Variants in PCDHA7 observed in about 807,000 individuals in gnomAD.
PCDHA7 encodes the protein protocadherin alpha 7.
PCDHA7 carries 37 observed loss-of-function variants against 57.2 expected under a neutral mutation model. That is an observed-to-expected ratio of 0.65 (90% confidence interval 0.50 to 0.85). The LOEUF is 0.85. Ranked by LOEUF, PCDHA7 falls within the 40% of genes least tolerant of loss-of-function variation. The pLI, the probability that PCDHA7 is intolerant of heterozygous loss-of-function variation, is 0.00. For synonymous variants in PCDHA7, 553 were observed against 558.8 expected, an observed-to-expected ratio of 0.99 and a Z score of 0.15; for missense variants, 1,188 against 1,241.8, an observed-to-expected ratio of 0.96 and a Z score of 0.65.
chr5:141,000,615 A>G (rs2097951954), intron 3 of PCDHA7, among the ~76,000 whole-genome samples: 1 of 150,870 alleles, frequency 6.6e-6, no homozygotes, highest in South Asian at 2.1e-4. Context: ...TTTAGTAGAG[A>G]CAGGGTTTCA....
chr5:140,891,040 C>A (rs2062916193), intron 1 of PCDHA7, among the ~76,000 whole-genome samples: 1 of 145,080 alleles, frequency 6.9e-6, no homozygotes, highest in Admixed American at 6.6e-5. Context: ...TTAGGTGTGA[C>A]CCCCACAGCA....
intron 3 of PCDHA7, among the ~76,000 whole-genome samples, chr5:141,009,288 C>G (rs373954362): frequency 6.6e-6 from 1 of 152,068 alleles, no homozygotes; most frequent in African/African-American, 2.4e-5. Flanking sequence ...GATCCCATTT[C>G]TATAAAATTT....
intron 1 of PCDHA7, among the ~76,000 whole-genome samples, chr5:140,938,135 A>T (rs926775458): frequency 1.3e-5 from 2 of 152,198 alleles, no homozygotes; most frequent in Non-Finnish European, 2.9e-5. Flanking sequence ...AAATAGAGAT[A>T]GAGTCTCACT....
At chr5:140,904,475 T>C (rs1034610314) in intron 1 of PCDHA7, among the ~76,000 whole-genome samples, 1 of 151,866 alleles carries the variant, frequency 6.6e-6, no homozygotes, top group Non-Finnish European at 1.5e-5. Context: ...TGGTGGCTAT[T>C]TGGTCTGATT....
At chr5:140,969,294 T>C in intron 1 of PCDHA7, 2 of 1,614,212 alleles carry the variant, frequency 1.2e-6, no homozygotes, top group Non-Finnish European at 1.7e-6. Context: ...GCTGGGAACC[T>C]GATTATTCTC....
chr5:140,986,638 G>A (rs185773882), intron 3 of PCDHA7, among the ~76,000 whole-genome samples: 18 of 152,282 alleles, frequency 1.2e-4, no homozygotes, highest in Non-Finnish European at 2.6e-4. Flanking sequence ...CAGTACATTA[G>A]TTTTAGAGTG....
intron 1 of PCDHA7, chr5:140,843,149 G>A: frequency 6.3e-7 from 1 of 1,596,096 alleles, no homozygotes; most frequent in Non-Finnish European, 8.6e-7. Context: ...GCTTTCGTAT[G>A]AGCTGCAGCC....
In PCDHA7 at chr5:140,857,043, A is replaced by T. The variant is rs201811819; in HGVS notation, c.2355+20305A>T. Reference sequence around the variant, plus strand: ...AAGGGAAACCCACCTATGGTTGGTCACTGCACGGTCCTAGTGGAACTACTG... The same window carrying T: ...AAGGGAAACCCACCTATGGTTGGTCTCTGCACGGTCCTAGTGGAACTACTG... On this transcript the variant is annotated intron_variant, in intron 1 of 3. Transcript: ENST00000525929. 81 of 1,595,818 alleles carry T rather than the reference A, an allele frequency of 5.1e-5. 4 individuals carry two copies. The highest frequency in any genetic ancestry group is 1.5e-5 in the Non-Finnish European group (18 of 1,165,582).
intron 1 of PCDHA7, chr5:140,883,099 A>C: frequency 6.2e-7 from 1 of 1,614,150 alleles, no homozygotes. Flanking sequence ...ATGGAGATAT[A>C]GTTTACTCAT....
chr5:140,919,982 G>A (rs2079388824), intron 1 of PCDHA7, among the ~76,000 whole-genome samples: 2 of 151,998 alleles, frequency 1.3e-5, no homozygotes, highest in Admixed American at 6.5e-5. Context: ...GATAGAAGAT[G>A]GAAAACAGAC....
chr5:140,840,846 C>A (rs1473721768), intron 1 of PCDHA7, among the ~76,000 whole-genome samples: 5 of 151,994 alleles, frequency 3.3e-5, no homozygotes, highest in Non-Finnish European at 5.9e-5. Flanking sequence ...TAATGCATTT[C>A]TTCCACACGA....
chr5:140,927,294 C>T (rs781944508), intron 1 of PCDHA7: 10 of 1,614,062 alleles, frequency 6.2e-6, no homozygotes, highest in South Asian at 3.3e-5. Context: ...TGCACATCCC[C>T]GAGTTCCTGA....
intron 1 of PCDHA7, among the ~76,000 whole-genome samples, chr5:140,946,570 C>G (rs1488950892): frequency 7.2e-6 from 1 of 138,492 alleles, no homozygotes; most frequent in Non-Finnish European, 1.5e-5. Context: ...ATAGAATCAA[C>G]TTAGGTGTTC....
intron 1 of PCDHA7, among the ~76,000 whole-genome samples, chr5:140,891,819 G>A (rs1282245838): frequency 6.6e-6 from 1 of 152,216 alleles, no homozygotes. Flanking sequence ...ATAAATTAAC[G>A]GCACTGTAAA....
rs368166956 is a variant in PCDHA7, at chr5:140,870,187, G to T, written c.2355+33449G>T. On this transcript the variant is annotated intron_variant, in intron 1 of 3. Coordinates refer to ENST00000525929, the MANE Select transcript of PCDHA7 (RefSeq NM_018910.3). Reference sequence around the variant, plus strand: ...CTTGTCCCTCCCAGTACGAGAGGACGCTCAGCCCAGCACGGTCATTGCCCT... The same window carrying T: ...CTTGTCCCTCCCAGTACGAGAGGACTCTCAGCCCAGCACGGTCATTGCCCT... 55 of 1,614,092 alleles carry T rather than the reference G, an allele frequency of 3.4e-5. No individual in the cohort carries two copies. The African/African-American group carries it at 6.5e-4, about 19-fold the overall frequency.
Position 140,851,840 on chromosome 5 carries a change from T to C in PCDHA7, c.2355+15102T>C. ...AGAAATCTGTTTTTTTAAAAATATCTTTTTCTCCTCTCAGCTCATACATAA... is the reference window on the plus strand; with the variant it reads ...AGAAATCTGTTTTTTTAAAAATATCCTTTTCTCCTCTCAGCTCATACATAA... On this transcript the variant is annotated intron_variant, in intron 1 of 3. Coordinates refer to ENST00000525929, the MANE Select transcript of PCDHA7 (RefSeq NM_018910.3). 3 of 970,528 alleles carry C rather than the reference T, an allele frequency of 3.1e-6. 1 individual carries two copies. The highest frequency in any genetic ancestry group is 3.7e-6 in the Non-Finnish European group (3 of 803,428). The allele number at this position is 970,528 out of a possible 1,614,324, so 60.1% of individuals were successfully genotyped here.
chr5:140,954,536 T>C (rs1438016822), intron 1 of PCDHA7, among the ~76,000 whole-genome samples: 3 of 152,248 alleles, frequency 2.0e-5, no homozygotes, highest in African/African-American at 7.2e-5. Flanking sequence ...GTTGAGGTTT[T>C]TTTCATATGT....
At chr5:140,874,401 A>G (rs2054889687) in intron 1 of PCDHA7, among the ~76,000 whole-genome samples, 1 of 152,218 alleles carries the variant, frequency 6.6e-6, no homozygotes, top group African/African-American at 2.4e-5. Context: ...CTTGCATAAC[A>G]GTCACCATTC....
chr5:140,938,904 C>A (rs1254151220), intron 1 of PCDHA7, among the ~76,000 whole-genome samples: 1 of 152,070 alleles, frequency 6.6e-6, no homozygotes, highest in Admixed American at 6.5e-5. Context: ...TGCGCACACA[C>A]ACACACGCAC....
Sources: gnomAD v4.1 joint callset for allele counts (sites outside exome capture counted in the v4.1 genomes callset) on GRCh38, gnomAD v4.1.1 for gene constraint, MANE v1.5 for transcripts, NCBI Gene and HGNC (gene_info 2026-07-23, HGNC 2026-07-21) for gene names.